IFT88: variants seen among roughly 807,000 people sequenced by gnomAD.
IFT88 encodes intraflagellar transport protein 88 homolog.
Under a neutral mutation model 119.5 loss-of-function variants are expected in IFT88, and 74 were observed. The observed-to-expected ratio is 0.62, with a 90% confidence interval of 0.51 to 0.75. IFT88 has a LOEUF of 0.75. Ranked by LOEUF, IFT88 falls within the 30% of genes least tolerant of loss-of-function variation. The probability of loss-of-function intolerance (pLI) is 0.00; values close to 1 mark genes in which losing one functional copy is unlikely to be tolerated. For missense variants in IFT88, 961 were observed against 977.7 expected, an observed-to-expected ratio of 0.98 and a Z score of 0.23; for synonymous variants, 279 against 316.7, an observed-to-expected ratio of 0.88 and a Z score of 1.26.
intron 20 of IFT88, among the ~76,000 whole-genome samples, chr13:20,651,187 A>G (rs563662353): frequency 1.3e-5 from 2 of 151,846 alleles, no homozygotes; most frequent in South Asian, 4.2e-4. Flanking sequence ...ATTAGGGTGA[A>G]TTTTCCTATT....
chr13:20,608,723 C>A lies in IFT88; in HGVS notation c.1112+3618C>A, dbSNP rs1411037. ...CATCCCCAGCCACAGAGATGGATCCCGTTTCCCAGTCATCCCCTTAATAGT... is the reference window on the plus strand; with the variant it reads ...CATCCCCAGCCACAGAGATGGATCCAGTTTCCCAGTCATCCCCTTAATAGT... On this transcript the variant is annotated intron_variant, in intron 13 of 25. Coordinates refer to ENST00000351808, the MANE Select transcript of IFT88 (RefSeq NM_006531.5). Among the ~76,000 whole-genome samples the A allele has an allele frequency of 1.1e-4, 17 of 152,274 alleles. No individual in the cohort carries two copies. The East Asian group carries it at 1.9e-3, about 17-fold the overall frequency.
chr13:20,597,588 C>CAA (rs1359094447), intron 9 of IFT88, among the ~76,000 whole-genome samples: 2 of 151,674 alleles, frequency 1.3e-5, no homozygotes, highest in Non-Finnish European at 2.9e-5. Flanking sequence ...ACTAAAAATA[C>CAA]AAAAAATTAG....
intron 3 of IFT88, among the ~76,000 whole-genome samples, chr13:20,587,263 T>TC (rs1250073708): frequency 6.6e-6 from 1 of 152,046 alleles, no homozygotes; most frequent in African/African-American, 2.4e-5. Context: ...GCTTTTTTTT[T>TC]TTCTTTCTTT....
intron 24 of IFT88, among the ~76,000 whole-genome samples, chr13:20,672,269 T>A (rs1485645725): frequency 6.6e-6 from 1 of 152,170 alleles, no homozygotes; most frequent in East Asian, 1.9e-4. Context: ...GCCAGGCCAC[T>A]TGATTCCCCA....
intron 22 of IFT88, among the ~76,000 whole-genome samples, chr13:20,657,761 C>CT (rs1566384625): frequency 8.3e-5 from 12 of 144,190 alleles, no homozygotes; most frequent in African/African-American, 3.4e-4. Context: ...GATTCTGTCT[C>CT]AAAATAAATA....
intron 12 of IFT88, 110 bp from the exon 13 acceptor site, chr13:20,604,925 C>T: frequency 1.9e-6 from 1 of 528,840 alleles, no homozygotes; most frequent in Non-Finnish European, 3.4e-6. Flanking sequence ...CACTGCACTG[C>T]AGCCTGGGCA....
chr13:20,599,371 A>G, intron 10 of IFT88, 80 bp from the exon 11 acceptor site: 3 of 572,006 alleles, frequency 5.2e-6, no homozygotes, highest in Non-Finnish European at 9.2e-6. Flanking sequence ...GCTTCAGAGA[A>G]TATGAATTAA....
At chr13:20,687,007 A>C (rs2057984586) in intron 24 of IFT88, among the ~76,000 whole-genome samples, 1 of 145,198 alleles carries the variant, frequency 6.9e-6, no homozygotes, top group African/African-American at 2.6e-5. Context: ...CCCAGCTTAA[A>C]AGTCACTTTC....
intron 13 of IFT88, among the ~76,000 whole-genome samples, chr13:20,614,586 A>C (rs1311998023): frequency 1.3e-5 from 2 of 152,156 alleles, no homozygotes. Flanking sequence ...AGTTGGAGGA[A>C]AACAAAGGAA....
At chr13:20,590,878 T>C (rs964729963) in intron 4 of IFT88, 89 bp from the exon 5 acceptor site, 2 of 869,048 alleles carry the variant, frequency 2.3e-6, no homozygotes, top group African/African-American at 1.7e-5. Context: ...TATTTGCCGA[T>C]AGAATGAAGA....
intron 15 of IFT88, among the ~76,000 whole-genome samples, chr13:20,630,635 G>A (rs2048069046): frequency 1.3e-5 from 2 of 152,040 alleles, no homozygotes; most frequent in South Asian, 4.1e-4. Flanking sequence ...CTGACCTCAA[G>A]CAATTCTCCT....
At chr13:20,663,665 C>G (rs2140854325) in intron 23 of IFT88, 61 bp downstream of exon 23, 2 of 1,188,400 alleles carry the variant, frequency 1.7e-6, no homozygotes, top group African/African-American at 1.5e-5. Flanking sequence ...CCTTCTATAG[C>G]TCAAATGTGT....
chr13:20,664,056 C>G (rs2054250280), intron 23 of IFT88, among the ~76,000 whole-genome samples: 1 of 152,230 alleles, frequency 6.6e-6, no homozygotes, highest in African/African-American at 2.4e-5. Context: ...GAAGGGTTAC[C>G]TTGATCAAAT....
At chr13:20,599,810 C>G (rs2042300198) in intron 11 of IFT88, among the ~76,000 whole-genome samples, 1 of 151,984 alleles carries the variant, frequency 6.6e-6, no homozygotes, top group South Asian at 2.1e-4. Context: ...AGGGGTTAAC[C>G]CTGAAGGCCA....
At chr13:20,671,447 G>A (rs1268890666) in intron 24 of IFT88, among the ~76,000 whole-genome samples, 1 of 152,182 alleles carries the variant, frequency 6.6e-6, no homozygotes, top group Non-Finnish European at 1.5e-5. Context: ...CTGACTTTTA[G>A]TGTAGAATTA....
intron 1 of IFT88, among the ~76,000 whole-genome samples, chr13:20,572,148 C>T (rs2036487822): frequency 1.3e-5 from 2 of 152,092 alleles, no homozygotes; most frequent in Non-Finnish European, 2.9e-5. Flanking sequence ...ACCTAGATTC[C>T]ACCATTAACC....
intron 24 of IFT88, among the ~76,000 whole-genome samples, chr13:20,686,061 G>A (rs1052905948): frequency 2.0e-5 from 3 of 152,150 alleles, no homozygotes; most frequent in Non-Finnish European, 4.4e-5. Context: ...TCACCCTGGA[G>A]CAGTTATTAC....
chr13:20,661,029 G>T (rs1359818655), intron 22 of IFT88, among the ~76,000 whole-genome samples: 3 of 152,060 alleles, frequency 2.0e-5, no homozygotes, highest in African/African-American at 7.2e-5. Context: ...TTGTTCCCCA[G>T]AACTTTTACC....
intron 2 of IFT88, among the ~76,000 whole-genome samples, chr13:20,575,572 ATCT>A (rs536239900): frequency 1.2e-3 from 179 of 152,116 alleles, no homozygotes; most frequent in Non-Finnish European, 1.7e-3. Flanking sequence ...GTTTAGCATG[ATCT>A]TCTTGGTGCC....
Sources: allele counts gnomAD v4.1 joint callset (sites outside exome capture counted in the v4.1 genomes callset), GRCh38; gene constraint gnomAD v4.1.1; transcripts MANE v1.5; gene names NCBI Gene and HGNC (gene_info 2026-07-23, HGNC 2026-07-21).